Variants in SKIC3 observed in about 807,000 individuals in gnomAD.
SKIC3 encodes the protein SKI3 subunit of superkiller complex.
At chr5:95,477,204 A>G in the SKIC3 span, among the ~76,000 whole-genome samples, 1 of 152,172 alleles carries the variant, frequency 6.6e-6, no homozygotes, top group Non-Finnish European at 1.5e-5. Flanking sequence ...AGTTGGCCAC[A>G]TTATTATTAT....
At chr5:95,528,933 G>T in the SKIC3 span, 1 of 1,317,586 alleles carries the variant, frequency 7.6e-7, no homozygotes, top group East Asian at 2.4e-5. Flanking sequence ...CACTATCTTT[G>T]TCCTTTAAGA....
At chr5:95,517,338 T>C in the SKIC3 span, 156 of 1,609,380 alleles carry the variant, frequency 9.7e-5, 1 homozygote, top group African/African-American at 1.6e-3. Flanking sequence ...AAAAGAAACA[T>C]TGTGATTCTT....
chr5:95,490,691 G>A, the SKIC3 span, among the ~76,000 whole-genome samples: 1 of 151,724 alleles, frequency 6.6e-6, no homozygotes, highest in Non-Finnish European at 1.5e-5. Flanking sequence ...GTAGAGACGG[G>A]GTTTCACCAT....
the SKIC3 span, among the ~76,000 whole-genome samples, chr5:95,472,536 C>T: frequency 1.3e-5 from 2 of 152,168 alleles, no homozygotes; most frequent in Non-Finnish European, 2.9e-5. Context: ...TTGTGTGTAT[C>T]TGTCTGTAGA....
the SKIC3 span, among the ~76,000 whole-genome samples, chr5:95,468,544 A>T: frequency 6.6e-6 from 1 of 152,114 alleles, no homozygotes; most frequent in Non-Finnish European, 1.5e-5. Context: ...CTGTGTTCTA[A>T]TTTTTTCTTT....
chr5:95,528,675 A>G, the SKIC3 span, among the ~76,000 whole-genome samples: 1 of 152,076 alleles, frequency 6.6e-6, no homozygotes, highest in African/African-American at 2.4e-5. Flanking sequence ...TCTCTATATG[A>G]GAGAAATTAA....
chr5:95,543,065 T>A, the SKIC3 span: 22 of 1,264,328 alleles, frequency 1.7e-5, no homozygotes, highest in Non-Finnish European at 1.8e-5. Context: ...AAATTTAAAT[T>A]TTTTCTTACA....
At chr5:95,484,340 C>CTT in the SKIC3 span, among the ~76,000 whole-genome samples, 40 of 119,854 alleles carry the variant, frequency 3.3e-4, no homozygotes, top group Admixed American at 5.3e-4. Context: ...ATGCATTCCT[C>CTT]TTTTTTTTTT....
the SKIC3 span, chr5:95,494,833 C>A: frequency 6.2e-7 from 1 of 1,607,850 alleles, no homozygotes; most frequent in South Asian, 1.1e-5. Context: ...TTCCTGATAG[C>A]TCCCTCTCTT....
the SKIC3 span, among the ~76,000 whole-genome samples, chr5:95,476,114 G>A: frequency 1.3e-5 from 2 of 152,216 alleles, no homozygotes; most frequent in African/African-American, 2.4e-5. Flanking sequence ...CCTGCAAAGG[G>A]AGGCATGCCC....
the SKIC3 span, chr5:95,523,203 C>T: frequency 6.2e-7 from 1 of 1,613,738 alleles, no homozygotes; most frequent in African/African-American, 1.3e-5. Flanking sequence ...GTGCCTTACT[C>T]AGCCACTGCT....
the SKIC3 span, among the ~76,000 whole-genome samples, chr5:95,507,944 A>AG: frequency 6.6e-6 from 1 of 151,912 alleles, no homozygotes. Context: ...AAAAAAAAAA[A>AG]TAGCAAACAC....
At chr5:95,473,917 C>T in the SKIC3 span, among the ~76,000 whole-genome samples, 1 of 152,128 alleles carries the variant, frequency 6.6e-6, no homozygotes, top group Admixed American at 6.5e-5. Context: ...TTAATTAGGT[C>T]CCACTTGTCA....
the SKIC3 span, among the ~76,000 whole-genome samples, chr5:95,507,320 T>A: frequency 6.6e-6 from 1 of 152,192 alleles, no homozygotes; most frequent in Non-Finnish European, 1.5e-5. Flanking sequence ...AGTTTTGACA[T>A]ATTTGGAGTT....
chr5:95,543,496 T>C, the SKIC3 span, among the ~76,000 whole-genome samples: 3,317 of 152,260 alleles, frequency 0.022, 44 homozygotes, highest in Non-Finnish European at 0.032. Context: ...GGGAAGGAGT[T>C]GGACTGTAGG....
At chr5:95,532,381 T>C in the SKIC3 span, among the ~76,000 whole-genome samples, 1 of 152,146 alleles carries the variant, frequency 6.6e-6, no homozygotes, top group African/African-American at 2.4e-5. Flanking sequence ...GGAGACTATG[T>C]TCATGTTCGG....
At chr5:95,479,957 T>C in the SKIC3 span, among the ~76,000 whole-genome samples, 25 of 152,236 alleles carry the variant, frequency 1.6e-4, no homozygotes, top group East Asian at 1.9e-4. Context: ...TGAAGACCCA[T>C]ACATACACAG....
At chr5:95,494,947 T>C in the SKIC3 span, 1 of 1,613,258 alleles carries the variant, frequency 6.2e-7, no homozygotes, top group Non-Finnish European at 8.5e-7. Flanking sequence ...ATTTCCTTTG[T>C]ACTAGGACAA....
chr5:95,499,326 G>A, the SKIC3 span, among the ~76,000 whole-genome samples: 124 of 152,272 alleles, frequency 8.1e-4, no homozygotes, highest in Admixed American at 2.0e-3. Context: ...TTGTTTAAAA[G>A]TGTGCAGCAC....
Sources: gnomAD v4.1 joint callset for allele counts (sites outside exome capture counted in the v4.1 genomes callset) on GRCh38, gnomAD v4.1.1 for gene constraint, MANE v1.5 for transcripts, NCBI Gene and HGNC (gene_info 2026-07-23, HGNC 2026-07-21) for gene names.